The following RHOD variants were observed in gnomAD, a reference collection of about 807,000 sequenced individuals.
RHOD encodes the protein rho-related GTP-binding protein RhoD.
RHOD carries 11 observed loss-of-function variants against 16.7 expected under a neutral mutation model. The observed-to-expected ratio is 0.66, with a 90% confidence interval of 0.41 to 1.09. The LOEUF is 1.09. Ranked by LOEUF, RHOD falls within the 50% of genes least tolerant of loss-of-function variation. RHOD has a pLI of 0.00. For missense variants in RHOD, 271 were observed against 291.7 expected, an observed-to-expected ratio of 0.93 and a Z score of 0.52; for synonymous variants, 124 against 126.3, an observed-to-expected ratio of 0.98 and a Z score of 0.12.
At chr11:67,066,011 G>A in intron 2 of RHOD, 28 bp downstream of exon 2, 6 of 997,596 alleles carry the variant, frequency 6.0e-6, no homozygotes, top group Non-Finnish European at 9.6e-6. Flanking sequence ...GGGCAGGGTG[G>A]GAGGGGCTTC....
intron 1 of RHOD, among the ~76,000 whole-genome samples, chr11:67,057,563 G>A (rs1348337555): frequency 1.3e-5 from 2 of 152,186 alleles, no homozygotes; most frequent in African/African-American, 4.8e-5. Flanking sequence ...GGCACATGTC[G>A]CTCCTGGGAA....
At chr11:67,061,665 C>T (rs1208954211) in intron 1 of RHOD, among the ~76,000 whole-genome samples, 6 of 144,670 alleles carry the variant, frequency 4.1e-5, no homozygotes, top group Non-Finnish European at 9.0e-5. Flanking sequence ...ACCCGGGAGG[C>T]GGACCTTGCA....
At chr11:67,059,467 CAGG>C (rs944567470) in intron 1 of RHOD, among the ~76,000 whole-genome samples, 4 of 152,108 alleles carry the variant, frequency 2.6e-5, no homozygotes, top group Admixed American at 6.5e-5. Context: ...CGCTTGAACT[CAGG>C]AGGTGGAGGT....
rs370147457 is a variant in RHOD, at chr11:67,068,753, G to A, written c.331-1672G>A. 8.5e-5 allele frequency among the ~76,000 whole-genome samples: 13 copies of A among 152,150 alleles called. No homozygotes were observed. In the South Asian group the frequency reaches 2.5e-3, roughly 29 times the overall value. On this transcript the variant is annotated intron_variant, in intron 3 of 4. Transcript: ENST00000308831. ...ACCCGGGAGGCGGAGGTTGCAGTGA[G>A]CCAAGATCGCACCACTGCACTCCAG...
In RHOD at chr11:67,056,912, GC is replaced by G; in HGVS notation, c.13del (p.Gln5ArgfsTer30). On this transcript the variant is annotated frameshift_variant, in exon 1 of 5. Transcript: ENST00000308831. LOFTEE classifies it high-confidence loss of function. MTAAQAAGEEAPPG... is the reference protein window; with the variant it reads MTAXQAAGEEAPPG... ...AGCGCCCGGCCCCGGGATGACGGCG[GC>G]CCAGGCCGCGGGTGAGGAGGCGCCA... 6.8e-7 allele frequency: 1 copy of G among 1,459,966 alleles called. No homozygotes were observed. The allele number at this position is 1,459,966 out of a possible 1,614,324, so 90.4% of individuals were successfully genotyped here.
rs1362707877 is a variant in RHOD, at chr11:67,066,001, G to A, written c.220+18G>A. 2.1e-6 allele frequency: 3 copies of A among 1,446,260 alleles called. No individual in the cohort carries two copies. Among genetic ancestry groups the A allele is most frequent in the Non-Finnish European group, 2.9e-6 (3 of 1,029,388 alleles). 89.6% of individuals were successfully genotyped at this position (1,446,260 alleles called of 1,614,324 possible). On this transcript the variant is annotated intron_variant, in intron 2 of 4. Transcript: ENST00000308831. ...CACAGCAGGTGGGTGTGCAGGGGTG[G>A]GGCAGGGTGGGAGGGGCTTCTGTGG...
chr11:67,060,454 CAG>C (rs1290270674), intron 1 of RHOD, among the ~76,000 whole-genome samples: 4 of 152,220 alleles, frequency 2.6e-5, no homozygotes, highest in Non-Finnish European at 5.9e-5. Context: ...AAGGTACAGA[CAG>C]AGTCTCTAGG....
intron 3 of RHOD, among the ~76,000 whole-genome samples, 160 bp downstream of exon 3, chr11:67,067,007 G>T (rs1211028301): frequency 1.3e-5 from 2 of 152,204 alleles, no homozygotes; most frequent in Non-Finnish European, 2.9e-5. Context: ...CTCAGAGTGG[G>T]GCAGTGGCTT....
chr11:67,071,381 G>T (rs1855027433), intron 4 of RHOD, 54 bp from the exon 5 acceptor site: 1 of 1,491,126 alleles, frequency 6.7e-7, no homozygotes, highest in Admixed American at 2.1e-5. Flanking sequence ...AAGCGAGAAC[G>T]TGAGGCCTGC....
At chr11:67,070,646 C>T in intron 4 of RHOD, 87 bp downstream of exon 4, 5 of 1,535,076 alleles carry the variant, frequency 3.3e-6, no homozygotes, top group Middle Eastern at 2.3e-4. Flanking sequence ...GTGTCCAGAA[C>T]GCTCAGGGTG....
chr11:67,065,994 A>AG lies in RHOD; in HGVS notation c.220+15dup. 1.6e-6 allele frequency: 1 copy of AG among 634,242 alleles called. No homozygotes were observed. Among genetic ancestry groups the AG allele is most frequent in the Non-Finnish European group, 2.9e-6 (1 of 344,060 alleles). The allele number at this position is 634,242 out of a possible 1,614,324, so 39.3% of individuals were successfully genotyped here. A position where few individuals can be genotyped will look rare whatever the true frequency, so the allele number is the denominator to read the frequency against. ...TCTGGGACACAGCAGGTGGGTGTGC[A>AG]GGGGTGGGGCAGGGTGGGAGGGGCT... On this transcript the variant is annotated intron_variant, in intron 2 of 4. Transcript: ENST00000308831.
At position 67,057,039 on chromosome 11, in the gene RHOD, G is replaced by C. The variant is rs777717560; in HGVS notation, c.132+5G>C. ...GCCGATGGGGCCTTCCCCGAGGTGA[G>C]TGCCCCGCGCCTCCGCCTCGCCCGG... On this transcript the variant is annotated splice_donor_5th_base_variant and intron_variant, in intron 1 of 4. Transcript: ENST00000308831. 1.4e-6 allele frequency: 2 copies of C among 1,462,610 alleles called. No individual in the cohort carries two copies. The highest frequency in any genetic ancestry group is 1.8e-6 in the Non-Finnish European group (2 of 1,118,682). The allele number at this position is 1,462,610 out of a possible 1,614,324, so 90.6% of individuals were successfully genotyped here. A position where few individuals can be genotyped will look rare whatever the true frequency, so the allele number is the denominator to read the frequency against.
chr11:67,060,154 G>A (rs990286718), intron 1 of RHOD, among the ~76,000 whole-genome samples: 2 of 152,224 alleles, frequency 1.3e-5, no homozygotes, highest in African/African-American at 4.8e-5. Flanking sequence ...CGGCCCTGCT[G>A]GCTAGAGCCC....
chr11:67,069,655 C>G (rs1027328431), intron 3 of RHOD, among the ~76,000 whole-genome samples: 2 of 147,384 alleles, frequency 1.4e-5, no homozygotes, highest in African/African-American at 5.0e-5. Context: ...CCACCGAGCC[C>G]GGCCTGGATT....
chr11:67,059,311 G>C (rs1854857503), intron 1 of RHOD, among the ~76,000 whole-genome samples: 1 of 152,096 alleles, frequency 6.6e-6, no homozygotes, highest in Non-Finnish European at 1.5e-5. Flanking sequence ...AGGCCAAGGT[G>C]GGTGGATCAC....
chr11:67,058,240 A>G (rs1212866103), intron 1 of RHOD, among the ~76,000 whole-genome samples: 2 of 152,176 alleles, frequency 1.3e-5, no homozygotes, highest in African/African-American at 4.8e-5. Flanking sequence ...CAGTGGCACA[A>G]TCTCGGCTCA....
At chr11:67,061,966 G>A (rs948956184) in intron 1 of RHOD, among the ~76,000 whole-genome samples, 55 of 151,094 alleles carry the variant, frequency 3.6e-4, no homozygotes, top group African/African-American at 1.3e-3. Flanking sequence ...GCACTACTGC[G>A]CTCCAGCCTG....
intron 3 of RHOD, chr11:67,070,143 C>A (rs1855008405): frequency 2.1e-6 from 1 of 477,018 alleles, no homozygotes; most frequent in Non-Finnish European, 4.0e-6. Context: ...CCTGCCATTT[C>A]CAGCCAAGGC....
At chr11:67,057,670 G>A (rs994368629) in intron 1 of RHOD, among the ~76,000 whole-genome samples, 1 of 152,232 alleles carries the variant, frequency 6.6e-6, no homozygotes, top group African/African-American at 2.4e-5. Flanking sequence ...CAGCTGCTGG[G>A]CCCGCGTCTC....
Sources: allele counts gnomAD v4.1 joint callset (sites outside exome capture counted in the v4.1 genomes callset), GRCh38; gene constraint gnomAD v4.1.1; transcripts MANE v1.5; gene names NCBI Gene and HGNC (gene_info 2026-07-23, HGNC 2026-07-21).